HHAT: variants seen among roughly 807,000 people sequenced by gnomAD.
The protein encoded by HHAT is protein-cysteine N-palmitoyltransferase HHAT.
Under a neutral mutation model 70.8 loss-of-function variants are expected in HHAT, and 47 were observed. That is an observed-to-expected ratio of 0.66 (90% CI 0.53 to 0.85). The LOEUF is 0.85. HHAT is among the 40% of genes least tolerant of loss of function. HHAT has a pLI of 0.00. For missense variants in HHAT, 609 were observed against 604.8 expected, an observed-to-expected ratio of 1.01 and a Z score of -0.07; for synonymous variants, 228 against 247.6, an observed-to-expected ratio of 0.92 and a Z score of 0.74.
chr1:210,584,339 G>A (rs775076323), intron 9 of HHAT, among the ~76,000 whole-genome samples: 15 of 152,030 alleles, frequency 9.9e-5, no homozygotes, highest in Non-Finnish European at 2.1e-4. Flanking sequence ...ACAGCCATCT[G>A]TACAGTTTCC....
At chr1:210,411,219 G>C (rs1164795141) in intron 6 of HHAT, among the ~76,000 whole-genome samples, 1 of 152,180 alleles carries the variant, frequency 6.6e-6, no homozygotes, top group Non-Finnish European at 1.5e-5. Flanking sequence ...TTCCAGTCCA[G>C]CTGCTATCTC....
intron 10 of HHAT, chr1:210,589,200 C>A (rs1402186981): frequency 6.6e-6 from 1 of 152,150 alleles, no homozygotes. Context: ...CTTTAAAAAG[C>A]CCTGTCAAAA....
At chr1:210,579,275 C>T (rs141843335) in intron 9 of HHAT, among the ~76,000 whole-genome samples, 415 of 152,052 alleles carry the variant, frequency 2.7e-3, no homozygotes, top group African/African-American at 9.4e-3. Flanking sequence ...CACATGTACC[C>T]CTAAACTTAA....
At chr1:210,413,064 T>C (rs1465063415) in intron 6 of HHAT, among the ~76,000 whole-genome samples, 6 of 152,218 alleles carry the variant, frequency 3.9e-5, no homozygotes, top group African/African-American at 1.4e-4. Context: ...CCCCCAGGCC[T>C]TTGCACTCTG....
At chr1:210,506,124 T>C (rs1040930461) in intron 8 of HHAT, among the ~76,000 whole-genome samples, 1 of 152,178 alleles carries the variant, frequency 6.6e-6, no homozygotes, top group Non-Finnish European at 1.5e-5. Context: ...AGTAAGCATA[T>C]GGGCAGCACC....
chr1:210,660,178 C>T (rs1380618735), intron 11 of HHAT, among the ~76,000 whole-genome samples: 1 of 152,160 alleles, frequency 6.6e-6, no homozygotes, highest in African/African-American at 2.4e-5. Context: ...ATTGTCTCAG[C>T]CGAAAATCTC....
At chr1:210,526,673 GAA>G (rs2148622165) in intron 9 of HHAT, among the ~76,000 whole-genome samples, 1 of 152,074 alleles carries the variant, frequency 6.6e-6, no homozygotes, top group South Asian at 2.1e-4. Flanking sequence ...TGAGATGAGA[GAA>G]TTATACCAGA....
intron 11 of HHAT, chr1:210,631,053 T>A: frequency 2.2e-6 from 1 of 456,728 alleles, no homozygotes; most frequent in Non-Finnish European, 4.4e-6. Flanking sequence ...ATTCCAGGGC[T>A]TTCCTGTGTT....
At chr1:210,451,435 C>T (rs1378606114) in intron 7 of HHAT, among the ~76,000 whole-genome samples, 2 of 152,092 alleles carry the variant, frequency 1.3e-5, no homozygotes, top group African/African-American at 4.8e-5. Context: ...ACAAACTGAA[C>T]GAGAAAGGTG....
intron 4 of HHAT, among the ~76,000 whole-genome samples, chr1:210,399,673 C>T (rs2091969602): frequency 6.6e-6 from 1 of 152,152 alleles, no homozygotes; most frequent in East Asian, 1.9e-4. Context: ...TACCTTGCGT[C>T]TCAAAGTTAA....
At chr1:210,562,191 T>C (rs2148710926) in intron 9 of HHAT, among the ~76,000 whole-genome samples, 1 of 152,160 alleles carries the variant, frequency 6.6e-6, no homozygotes, top group East Asian at 1.9e-4. Flanking sequence ...TGACTGCTGT[T>C]TCAAGAGCAC....
At chr1:210,524,394 G>A (rs1470285413) in intron 9 of HHAT, among the ~76,000 whole-genome samples, 1 of 152,182 alleles carries the variant, frequency 6.6e-6, no homozygotes. Context: ...GGGCAACACA[G>A]AGATGAGTGA....
At chr1:210,606,479 A>G (rs201154132) in intron 10 of HHAT, among the ~76,000 whole-genome samples, 1 of 110,626 alleles carries the variant, frequency 9.0e-6, no homozygotes, top group Non-Finnish European at 2.2e-5. Flanking sequence ...CCACATGGTC[A>G]GAGGTATCTG....
intron 11 of HHAT, among the ~76,000 whole-genome samples, chr1:210,655,607 G>A (rs999535043): frequency 2.6e-5 from 4 of 152,218 alleles, no homozygotes; most frequent in Non-Finnish European, 4.4e-5. Context: ...GTTGATTGTG[G>A]CAACAGAGGT....
In HHAT at chr1:210,400,495, G is replaced by A. The variant is rs776861325; in HGVS notation, c.301G>A (p.Gly101Arg). Residue 101 changes from glycine (G) to arginine (R), a missense_variant, in exon 5 of 12, where the codon GGG becomes AGG. Coordinates refer to ENST00000261458, the MANE Select transcript of HHAT (RefSeq NM_018194.6). ...KHRPWILMLY[G>R]MWACWCVLGT... ...CAGACCCTGGATTCTCATGCTCTAT[G>A]GGATGTGGGCCTGCTGGTGTGTGCT... The A allele has an allele frequency of 1.2e-6, 2 of 1,613,514 alleles. No homozygotes were observed.
intron 10 of HHAT, among the ~76,000 whole-genome samples, chr1:210,591,634 T>C (rs1661726668): frequency 1.3e-5 from 2 of 152,204 alleles, no homozygotes; most frequent in Non-Finnish European, 2.9e-5. Context: ...CTGTTTTCCA[T>C]ACCGTGGTCT....
chr1:210,512,306 A>G (rs972443028), intron 8 of HHAT, among the ~76,000 whole-genome samples: 1 of 152,004 alleles, frequency 6.6e-6, no homozygotes, highest in Non-Finnish European at 1.5e-5. Context: ...CCCTCCACTC[A>G]CTGCCACACC....
chr1:210,631,906 CTT>C (rs1429423348), intron 11 of HHAT, among the ~76,000 whole-genome samples: 4 of 152,306 alleles, frequency 2.6e-5, no homozygotes, highest in Admixed American at 6.5e-5. Context: ...TACAAAAAAA[CTT>C]TTCATTATCT....
At chr1:210,656,891 G>A (rs570794411) in intron 11 of HHAT, among the ~76,000 whole-genome samples, 42 of 152,262 alleles carry the variant, frequency 2.8e-4, no homozygotes, top group African/African-American at 1.0e-3. Flanking sequence ...CCCCTCCAGG[G>A]GCTGGCTGCT....
Sources: allele counts gnomAD v4.1 joint callset (sites outside exome capture counted in the v4.1 genomes callset), GRCh38; gene constraint gnomAD v4.1.1; transcripts MANE v1.5; gene names NCBI Gene and HGNC (gene_info 2026-07-23, HGNC 2026-07-21).